Variants in SPATA17 observed in about 807,000 individuals in gnomAD.
SPATA17 encodes the protein spermatogenesis associated 17, also known as spermatogenesis-associated protein 17.
SPATA17 carries 53 observed loss-of-function variants against 62.2 expected under a neutral mutation model. The ratio of observed to expected loss-of-function variants is 0.85; its 90% CI spans 0.68 to 1.07. SPATA17 has a LOEUF of 1.07. Ranked by LOEUF, SPATA17 falls within the 50% of genes least tolerant of loss-of-function variation. The pLI is 0.00. For missense variants in SPATA17, 466 were observed against 425.5 expected, an observed-to-expected ratio of 1.10 and a Z score of -0.84; for synonymous variants, 146 against 146.8, an observed-to-expected ratio of 0.99 and a Z score of 0.04.
chr1:217,685,123 G>A (rs972565462), intron 5 of SPATA17, among the ~76,000 whole-genome samples: 3 of 152,082 alleles, frequency 2.0e-5, no homozygotes, highest in South Asian at 2.1e-4. Context: ...GAAGAAATAC[G>A]TGCAGGGCTG....
In SPATA17 at chr1:217,818,328, A is replaced by G. The variant is rs192999781; in HGVS notation, c.1005+16478A>G. On this transcript the variant is annotated intron_variant, in intron 9 of 10. Coordinates refer to ENST00000366933, the MANE Select transcript of SPATA17 (RefSeq NM_138796.4). ...TCTTTAAACATTTATACAGTCAATCATCACTTTAATGGGGATATGTTCAGA... is the reference window on the plus strand; with the variant it reads ...TCTTTAAACATTTATACAGTCAATCGTCACTTTAATGGGGATATGTTCAGA... Among the ~76,000 whole-genome samples, 21 of 152,230 alleles carry G rather than the reference A, an allele frequency of 1.4e-4. No individual in the cohort carries two copies. The East Asian group carries it at 3.7e-3, about 27-fold the overall frequency.
intron 5 of SPATA17, among the ~76,000 whole-genome samples, chr1:217,712,406 G>A (rs536236141): frequency 7.2e-5 from 11 of 152,196 alleles, no homozygotes; most frequent in African/African-American, 1.4e-4. Context: ...GATTACAGGC[G>A]TGAGCCACCG....
chr1:217,786,794 T>C (rs898186754), intron 8 of SPATA17, among the ~76,000 whole-genome samples: 2 of 151,088 alleles, frequency 1.3e-5, no homozygotes, highest in African/African-American at 4.9e-5. Flanking sequence ...TTCTTCTTCT[T>C]CTTCTTCTTC....
chr1:217,749,604 A>G (rs1297366028), intron 6 of SPATA17, among the ~76,000 whole-genome samples: 2 of 152,052 alleles, frequency 1.3e-5, no homozygotes, highest in Non-Finnish European at 2.9e-5. Context: ...GGTGTCTTTC[A>G]AATCAGTCCC....
chr1:217,704,178 A>T (rs1214129527), intron 5 of SPATA17, among the ~76,000 whole-genome samples: 1 of 133,880 alleles, frequency 7.5e-6, no homozygotes, highest in Non-Finnish European at 1.6e-5. Context: ...GATGATAAGT[A>T]TAGCACCCAA....
chr1:217,762,709 C>T (rs777735485), intron 6 of SPATA17, among the ~76,000 whole-genome samples: 6 of 152,306 alleles, frequency 3.9e-5, no homozygotes, highest in South Asian at 2.1e-4. Context: ...CAGTGGCTCT[C>T]GCCCGTAATC....
chr1:217,858,026 T>C (rs978095668), intron 9 of SPATA17, among the ~76,000 whole-genome samples: 2 of 152,214 alleles, frequency 1.3e-5, no homozygotes, highest in African/African-American at 4.8e-5. Flanking sequence ...TGCTTCATTA[T>C]ATCAGATGAG....
intron 9 of SPATA17, among the ~76,000 whole-genome samples, chr1:217,807,502 C>A (rs1313910828): frequency 6.6e-6 from 1 of 152,090 alleles, no homozygotes; most frequent in Non-Finnish European, 1.5e-5. Context: ...GTGTAAACAT[C>A]ATAACACTAC....
At chr1:217,864,582 G>A (rs1420377896) in intron 10 of SPATA17, among the ~76,000 whole-genome samples, 1 of 151,862 alleles carries the variant, frequency 6.6e-6, no homozygotes, top group East Asian at 1.9e-4. Context: ...TATTTAATAT[G>A]TATATGTATA....
Position 217,649,008 on chromosome 1 carries a change from A to T in SPATA17, c.158+37A>T, listed in dbSNP as rs1670250085. 3.7e-6 allele frequency: 5 copies of T among 1,343,574 alleles called. No individual in the cohort carries two copies. In the East Asian group the frequency reaches 1.2e-4, roughly 31 times the overall value. The allele number at this position is 1,343,574 out of a possible 1,614,324, so 83.2% of individuals were successfully genotyped here. ...TTGTCATGGAAACCTCAGATATATC[A>T]TAAAAATATATTCCTTAGAAAATGT... On this transcript the variant is annotated intron_variant, in intron 2 of 10. Transcript: ENST00000366933.
chr1:217,772,457 A>T (rs1370479868), intron 6 of SPATA17, among the ~76,000 whole-genome samples: 2 of 152,232 alleles, frequency 1.3e-5, no homozygotes, highest in African/African-American at 2.4e-5. Flanking sequence ...CAATTAAAAA[A>T]TAGAAAAATT....
intron 6 of SPATA17, among the ~76,000 whole-genome samples, chr1:217,759,287 C>T (rs1048215727): frequency 6.6e-6 from 1 of 151,994 alleles, no homozygotes; most frequent in South Asian, 2.1e-4. Context: ...GGCAAAACCC[C>T]GTCTCTACTA....
intron 9 of SPATA17, among the ~76,000 whole-genome samples, chr1:217,851,590 C>T (rs1257256510): frequency 6.6e-6 from 1 of 152,022 alleles, no homozygotes; most frequent in Non-Finnish European, 1.5e-5. Flanking sequence ...AATTAAACTG[C>T]AATTAATATG....
At chr1:217,722,421 A>G (rs1672153740) in intron 5 of SPATA17, among the ~76,000 whole-genome samples, 1 of 152,044 alleles carries the variant, frequency 6.6e-6, no homozygotes, top group African/African-American at 2.4e-5. Context: ...AACTTTTTTG[A>G]TAAAAATAAT....
chr1:217,634,080 A>T (rs1393739337), intron 1 of SPATA17, among the ~76,000 whole-genome samples: 1 of 152,192 alleles, frequency 6.6e-6, no homozygotes, highest in Non-Finnish European at 1.5e-5. Flanking sequence ...GTGTGTGTTT[A>T]TGTTTTGGCC....
chr1:217,862,723 A>C, intron 9 of SPATA17, 51 bp from the exon 10 acceptor site: 1 of 1,273,384 alleles, frequency 7.9e-7, no homozygotes, highest in South Asian at 1.3e-5. Flanking sequence ...AATGGTAATA[A>C]CATAAAATCA....
At chr1:217,825,728 C>A (rs748847462) in intron 9 of SPATA17, among the ~76,000 whole-genome samples, 2 of 151,960 alleles carry the variant, frequency 1.3e-5, no homozygotes, top group Non-Finnish European at 2.9e-5. Flanking sequence ...TAGTCTACAG[C>A]AGGGATATAG....
intron 1 of SPATA17, among the ~76,000 whole-genome samples, chr1:217,637,449 A>G (rs181653839): frequency 6.6e-5 from 10 of 152,292 alleles, no homozygotes; most frequent in Non-Finnish European, 1.0e-4. Context: ...TGAGAAAAAG[A>G]AAGCAGGGGT....
At chr1:217,652,786 G>A (rs1353918176) in intron 3 of SPATA17, among the ~76,000 whole-genome samples, 1 of 152,290 alleles carries the variant, frequency 6.6e-6, no homozygotes, top group East Asian at 1.9e-4. Flanking sequence ...TTGAACTGTA[G>A]AAAGAGGACA....
Sources: allele counts gnomAD v4.1 joint callset (sites outside exome capture counted in the v4.1 genomes callset), GRCh38; gene constraint gnomAD v4.1.1; transcripts MANE v1.5; gene names NCBI Gene and HGNC (gene_info 2026-07-23, HGNC 2026-07-21).